Variants in DPH6 observed in about 807,000 individuals in gnomAD.
The protein encoded by DPH6 is diphthine--ammonia ligase.
In DPH6, 33 loss-of-function variants were observed where a neutral mutation model predicts 38.2. The ratio of observed to expected loss-of-function variants is 0.86; its 90% CI spans 0.65 to 1.15. The LOEUF (loss-of-function observed/expected upper bound fraction) is 1.15, where lower values mean the gene tolerates loss of function less well. Among genes scored for constraint, DPH6 ranks in the 50% most tolerant of loss-of-function variants. The pLI, the probability that DPH6 is intolerant of heterozygous loss-of-function variation, is 0.00. For synonymous variants in DPH6, 108 were observed against 103.0 expected, an observed-to-expected ratio of 1.05 and a Z score of -0.30; for missense variants, 325 against 320.0, an observed-to-expected ratio of 1.02 and a Z score of -0.12.
intron 1 of DPH6, among the ~76,000 whole-genome samples, chr15:35,543,259 A>ATATATATATATATATAT (rs1491418079): frequency 2.6e-5 from 3 of 114,140 alleles, no homozygotes; most frequent in African/African-American, 4.1e-5. Flanking sequence ...ACATACACAT[A>ATATATATATATATATAT]ATATATATAT....
intron 3 of DPH6, among the ~76,000 whole-genome samples, chr15:35,517,938 A>G (rs561732105): frequency 6.6e-6 from 1 of 152,226 alleles, no homozygotes; most frequent in African/African-American, 2.4e-5. Flanking sequence ...ACAATGTTTT[A>G]CTTTAAAAAA....
intron 3 of DPH6, among the ~76,000 whole-genome samples, chr15:35,271,967 CTTTG>C (rs1167868884): frequency 2.0e-5 from 3 of 152,114 alleles, no homozygotes; most frequent in Non-Finnish European, 4.4e-5. Context: ...TTCATGTTTT[CTTTG>C]TTTTCCTTAT....
At chr15:35,194,407 G>A in the DPH6 span, among the ~76,000 whole-genome samples, 2 of 151,438 alleles carry the variant, frequency 1.3e-5, no homozygotes, top group African/African-American at 2.4e-5. Flanking sequence ...TAGAGAGAGA[G>A]AGAGAGAATA....
At chr15:35,363,864 A>C (rs901248214) in intron 3 of DPH6, among the ~76,000 whole-genome samples, 8 of 152,014 alleles carry the variant, frequency 5.3e-5, no homozygotes, top group African/African-American at 1.9e-4. Flanking sequence ...TATGAATCTC[A>C]ACATTTGCCT....
At chr15:35,497,531 G>C (rs1162425606) in intron 3 of DPH6, among the ~76,000 whole-genome samples, 3 of 152,148 alleles carry the variant, frequency 2.0e-5, no homozygotes, top group African/African-American at 7.2e-5. Context: ...CATATCCATA[G>C]TCGGAAGTTG....
chr15:35,325,475 A>C (rs1368377373), intron 3 of DPH6, among the ~76,000 whole-genome samples: 2 of 152,152 alleles, frequency 1.3e-5, no homozygotes, highest in Non-Finnish European at 2.9e-5. Context: ...ACCCGGGAGA[A>C]AGAATTATCC....
Position 35,286,201 on chromosome 15 carries a change from G to T in DPH6, n.201-65619C>A, listed in dbSNP as rs1440001175. On this transcript the variant is annotated intron_variant and non_coding_transcript_variant, in intron 3 of 3. Coordinates refer to the DPH6 transcript ENST00000560386. ...ACTACTAACCCTTCCATTAACATGAGAATTGCCAGGTATTACAATACTGTA... is the reference window on the plus strand; with the variant it reads ...ACTACTAACCCTTCCATTAACATGATAATTGCCAGGTATTACAATACTGTA... Among the ~76,000 whole-genome samples, 6 of 152,202 alleles carry T rather than the reference G, an allele frequency of 3.9e-5. No individual in the cohort carries two copies. The East Asian group carries it at 9.6e-4, about 24-fold the overall frequency.
chr15:35,498,154 A>T (rs992677472), intron 3 of DPH6, among the ~76,000 whole-genome samples: 1 of 152,216 alleles, frequency 6.6e-6, no homozygotes, highest in Non-Finnish European at 1.5e-5. Context: ...TTCTGAAATT[A>T]AAAAACCCAC....
chr15:35,282,856 C>A, intron 3 of DPH6: 1 of 341,422 alleles, frequency 2.9e-6, no homozygotes, highest in East Asian at 6.9e-5. Flanking sequence ...TGTGGGCCAG[C>A]TTAAGGTGGA....
chr15:35,146,885 T>G, the DPH6 span, among the ~76,000 whole-genome samples: 1 of 152,206 alleles, frequency 6.6e-6, no homozygotes, highest in Non-Finnish European at 1.5e-5. Flanking sequence ...GATGTCCTAC[T>G]ATCAAGGTTA....
Position 35,402,341 on chromosome 15 carries a change from T to C in DPH6, c.567+8494A>G, listed in dbSNP as rs193271795. ...TTACCCAAGCAAAATCGTGGAATTATTGGTTATAAAAATGATTGTTGGCAC... is the reference window on the plus strand; with the variant it reads ...TTACCCAAGCAAAATCGTGGAATTACTGGTTATAAAAATGATTGTTGGCAC... On this transcript the variant is annotated intron_variant, in intron 6 of 8. Coordinates refer to ENST00000256538, the MANE Select transcript of DPH6 (RefSeq NM_080650.4). Among the ~76,000 whole-genome samples the C allele has an allele frequency of 4.0e-3, 610 of 152,312 alleles. 2 individuals are homozygous for C. The highest frequency in any genetic ancestry group is 0.014 in the African/African-American group (588 of 41,568).
Position 35,450,729 on chromosome 15 carries a change from A to G in DPH6, c.461T>C (p.Ile154Thr). 1 of 1,613,400 alleles carries G rather than the reference A, an allele frequency of 6.2e-7. No homozygotes were observed. ...GATCATTGCTTGAATGTTAGATGAT[A>G]TCATCTCTCTGAGCAAATCTTCCTG... ...RNQEDLLREM[I>T]SSNIQAMIIK... is the part of the protein sequence containing the mutation. The change falls in exon 5 of 9, where the codon ATA becomes ACA. Residue 154 changes from isoleucine to threonine, a missense_variant. By Grantham distance (89) the Ile-to-Thr change is moderately conservative. Coordinates refer to ENST00000256538, the MANE Select transcript of DPH6 (RefSeq NM_080650.4).
At chr15:35,214,354 CA>C (rs1481589499), downstream of DPH6, among the ~76,000 whole-genome samples, 5 of 152,112 alleles carry the variant, frequency 3.3e-5, no homozygotes, top group East Asian at 9.7e-4. Flanking sequence ...AAAGCTGAAA[CA>C]GAGATGATAT....
chr15:35,227,883 A>G (rs769265992), intron 3 of DPH6, among the ~76,000 whole-genome samples: 28 of 151,944 alleles, frequency 1.8e-4, no homozygotes, highest in Non-Finnish European at 4.0e-4. Flanking sequence ...TTATTGACCC[A>G]TTGATCATTT....
chr15:35,542,344 T>C (rs1338506780), intron 2 of DPH6, 69 bp downstream of exon 2: 3 of 1,294,454 alleles, frequency 2.3e-6, no homozygotes, highest in African/African-American at 1.4e-5. Context: ...ACGGTATACC[T>C]GTACAATGTA....
chr15:35,332,712 CAA>C (rs1191161909), intron 3 of DPH6, among the ~76,000 whole-genome samples: 8 of 152,080 alleles, frequency 5.3e-5, no homozygotes, highest in East Asian at 1.9e-4. Flanking sequence ...ATGGAGCCCT[CAA>C]AAGAGTGTCT....
At chr15:35,169,782 C>T in the DPH6 span, 1 of 152,090 alleles carries the variant, frequency 6.6e-6, no homozygotes, top group African/African-American at 2.4e-5. Flanking sequence ...AACAATCAAT[C>T]CCCAAAAGTC....
the DPH6 span, among the ~76,000 whole-genome samples, chr15:35,203,149 T>C: frequency 1.3e-5 from 2 of 151,796 alleles, no homozygotes; most frequent in African/African-American, 4.8e-5. Context: ...TATATAGATA[T>C]AGATATAAAT....
chr15:35,434,636 G>A (rs1288480368), intron 5 of DPH6, among the ~76,000 whole-genome samples: 1 of 151,924 alleles, frequency 6.6e-6, no homozygotes. Context: ...GAAAGAACAG[G>A]CAACAATGTA....
Sources: gnomAD v4.1 joint callset for allele counts (sites outside exome capture counted in the v4.1 genomes callset) on GRCh38, gnomAD v4.1.1 for gene constraint, MANE v1.5 for transcripts, NCBI Gene and HGNC (gene_info 2026-07-23, HGNC 2026-07-21) for gene names.